Variants in FER observed in about 807,000 individuals in gnomAD.
The protein encoded by FER is FER tyrosine kinase.
In FER, 63 loss-of-function variants were observed where a neutral mutation model predicts 111.0. That is an observed-to-expected ratio of 0.57 (90% confidence interval 0.46 to 0.70). The LOEUF (loss-of-function observed/expected upper bound fraction) is 0.70, where lower values mean the gene tolerates loss of function less well. Among genes scored for constraint, FER ranks in the 30% least tolerant of loss-of-function variants. The probability of loss-of-function intolerance (pLI) is 0.00; values close to 1 mark genes in which losing one functional copy is unlikely to be tolerated. For synonymous variants in FER, 327 were observed against 313.9 expected, an observed-to-expected ratio of 1.04 and a Z score of -0.44; for missense variants, 914 against 954.0, an observed-to-expected ratio of 0.96 and a Z score of 0.55.
intron 9 of FER, among the ~76,000 whole-genome samples, chr5:108,885,881 A>G (rs773587612): frequency 2.0e-5 from 3 of 151,976 alleles, no homozygotes; most frequent in Non-Finnish European, 4.4e-5. Flanking sequence ...TTAGTATTGC[A>G]TTAACAGAAG....
At chr5:108,769,615 T>C (rs181735274) in intron 2 of FER, among the ~76,000 whole-genome samples, 1 of 152,092 alleles carries the variant, frequency 6.6e-6, no homozygotes, top group East Asian at 1.9e-4. Context: ...AAGGGAGAGA[T>C]GGATGAATTT....
chr5:108,902,675 G>T (rs1314950153), intron 10 of FER, among the ~76,000 whole-genome samples: 3 of 152,148 alleles, frequency 2.0e-5, no homozygotes, highest in African/African-American at 2.4e-5. Flanking sequence ...CTTTCTTATT[G>T]AATTGGGATA....
At chr5:109,102,701 C>G (rs57028048) in intron 17 of FER, among the ~76,000 whole-genome samples, 2,904 of 152,094 alleles carry the variant, frequency 0.019, 118 homozygotes, top group African/African-American at 0.067. Flanking sequence ...CTTTGTTAAT[C>G]TTGAGTGCTA....
intron 10 of FER, among the ~76,000 whole-genome samples, chr5:108,936,099 G>T (rs550405639): frequency 6.6e-6 from 1 of 152,040 alleles, no homozygotes; most frequent in African/African-American, 2.4e-5. Flanking sequence ...ACCACATGAC[G>T]TTCAGCAAAT....
At chr5:109,000,430 C>T (rs535891185) in intron 13 of FER, among the ~76,000 whole-genome samples, 14 of 151,638 alleles carry the variant, frequency 9.2e-5, no homozygotes, top group Middle Eastern at 3.4e-3. Flanking sequence ...AAATATTTAT[C>T]GCTAAAGATG....
chr5:108,791,223 A>C (rs1480101317), intron 2 of FER, among the ~76,000 whole-genome samples: 1 of 151,930 alleles, frequency 6.6e-6, no homozygotes, highest in Non-Finnish European at 1.5e-5. Flanking sequence ...GAACTGCCAA[A>C]CTCTTTTCCG....
At chr5:108,877,269 G>A (rs1025959599) in intron 8 of FER, among the ~76,000 whole-genome samples, 1 of 152,196 alleles carries the variant, frequency 6.6e-6, no homozygotes, top group African/African-American at 2.4e-5. Context: ...TGCTCAGGCT[G>A]TGTTAGGGGA....
chr5:109,043,167 C>G (rs545259377), intron 14 of FER, among the ~76,000 whole-genome samples: 70 of 152,212 alleles, frequency 4.6e-4, no homozygotes, highest in African/African-American at 1.3e-3. Context: ...GTAATATAGC[C>G]AGGAAGAATC....
intron 5 of FER, among the ~76,000 whole-genome samples, chr5:108,858,156 A>G (rs768097289): frequency 1.3e-5 from 2 of 152,328 alleles, no homozygotes; most frequent in Non-Finnish European, 1.5e-5. Flanking sequence ...TGAGGGGTTC[A>G]CATTGATACT....
At chr5:108,851,364 A>T (rs1356147973) in intron 5 of FER, among the ~76,000 whole-genome samples, 1 of 152,096 alleles carries the variant, frequency 6.6e-6, no homozygotes, top group Non-Finnish European at 1.5e-5. Context: ...AGATTTATTC[A>T]CTATCATGAG....
At chr5:108,841,256 G>A (rs1454069330) in intron 5 of FER, among the ~76,000 whole-genome samples, 1 of 152,092 alleles carries the variant, frequency 6.6e-6, no homozygotes, top group African/African-American at 2.4e-5. Context: ...AGTGTTTCTT[G>A]ACATCAGCAT....
At chr5:109,126,100 G>C (rs1031196373) in intron 17 of FER, among the ~76,000 whole-genome samples, 3 of 151,818 alleles carry the variant, frequency 2.0e-5, no homozygotes, top group African/African-American at 4.8e-5. Context: ...TGGATTATCT[G>C]TGGATAATCA....
chr5:109,102,421 T>C (rs1226157873), intron 17 of FER, among the ~76,000 whole-genome samples: 3 of 152,074 alleles, frequency 2.0e-5, no homozygotes, highest in Non-Finnish European at 2.9e-5. Context: ...GTAGTGGCTC[T>C]CCCTGTATAT....
At chr5:108,868,446 T>C (rs980428168) in intron 6 of FER, among the ~76,000 whole-genome samples, 19 of 152,120 alleles carry the variant, frequency 1.2e-4, no homozygotes, top group African/African-American at 4.3e-4. Flanking sequence ...AATTCTTGCC[T>C]TCTTGATCTA....
At chr5:109,138,021 A>C (rs1168945205) in intron 17 of FER, among the ~76,000 whole-genome samples, 1 of 152,158 alleles carries the variant, frequency 6.6e-6, no homozygotes, top group Non-Finnish European at 1.5e-5. Context: ...AGTTTCCTGC[A>C]TTGCAGCTCA....
At chr5:109,186,025 C>T (rs1038412098) in intron 18 of FER, among the ~76,000 whole-genome samples, 175 bp from the exon 19 acceptor site, 2 of 152,164 alleles carry the variant, frequency 1.3e-5, no homozygotes, top group South Asian at 4.1e-4. Context: ...TACCACATCA[C>T]TAGGCAATAG....
At chr5:108,844,127 T>C (rs1761619460) in intron 5 of FER, among the ~76,000 whole-genome samples, 1 of 151,800 alleles carries the variant, frequency 6.6e-6, no homozygotes, top group African/African-American at 2.4e-5. Flanking sequence ...AACACATATA[T>C]GTGTGTGAAC....
chr5:109,167,611 TG>T (rs1756688689), intron 17 of FER, among the ~76,000 whole-genome samples: 1 of 152,222 alleles, frequency 6.6e-6, no homozygotes, highest in African/African-American at 2.4e-5. Flanking sequence ...TAGTTGCAAA[TG>T]TAGACCCAAA....
intron 17 of FER, among the ~76,000 whole-genome samples, chr5:109,119,530 T>C (rs533298684): frequency 6.6e-6 from 1 of 152,308 alleles, no homozygotes; most frequent in East Asian, 1.9e-4. Context: ...TAGGTCTTCT[T>C]GGTGCAGAGC....
Sources: allele counts gnomAD v4.1 joint callset (sites outside exome capture counted in the v4.1 genomes callset), GRCh38; gene constraint gnomAD v4.1.1; transcripts MANE v1.5; gene names NCBI Gene and HGNC (gene_info 2026-07-23, HGNC 2026-07-21).